The following FCER2 variants were observed in gnomAD, a reference collection of about 807,000 sequenced individuals.
FCER2 encodes the protein low affinity immunoglobulin epsilon Fc receptor.
A neutral mutation model predicts 49.7 loss-of-function variants in FCER2; 38 were observed. The observed-to-expected ratio is 0.76, with a 90% CI of 0.59 to 1.00. The LOEUF is 1.00. Ranked by LOEUF, FCER2 falls within the 50% of genes least tolerant of loss-of-function variation. The pLI is 0.00. For synonymous variants in FCER2, 163 were observed against 164.6 expected, an observed-to-expected ratio of 0.99 and a Z score of 0.07; for missense variants, 425 against 419.5, an observed-to-expected ratio of 1.01 and a Z score of -0.11.
chr19:7,699,854 G>T lies in FCER2; in HGVS notation c.-85-9C>A, dbSNP rs1364602212. 2.9e-5 allele frequency: 36 copies of T among 1,258,502 alleles called. 1 individual carries two copies. In the South Asian group the frequency reaches 3.1e-4, roughly 11 times the overall value. The allele number at this position is 1,258,502 out of a possible 1,614,324, so 78.0% of individuals were successfully genotyped here. A position where few individuals can be genotyped will look rare whatever the true frequency, so the allele number is the denominator to read the frequency against. ...CACAATCACAGCTCTGGCTGATTTG[G>T]GATTTAATGATGGTTAGGGTGAGCC... On this transcript the variant is annotated splice_polypyrimidine_tract_variant and intron_variant, in intron 1 of 10. Coordinates refer to ENST00000597921, the MANE Select transcript of FCER2 (RefSeq NM_001220500.2).
intron 8 of FCER2, among the ~76,000 whole-genome samples, chr19:7,695,835 T>C (rs993936831): frequency 1.7e-4 from 26 of 151,784 alleles, no homozygotes; most frequent in Admixed American, 1.6e-3. Flanking sequence ...GAGGATCTCT[T>C]GAGCCCAGGA....
rs1025959340 is a variant in FCER2, at chr19:7,690,248, A to G, written c.639T>C (p.His213=). ...CAATCCAGGAGCCGGTGTGGCTGGC[A>G]TGCTTGGTCAGGAAGTCCTGGGGGA... The part of the protein sequence containing the change: ...SPEEQDFLTK[H]ASHTGSWIGL... Residue 213 remains histidine, a synonymous_variant, in exon 10 of 11, where the codon CAT becomes CAC. Transcript: ENST00000597921. 2.5e-6 allele frequency: 4 copies of G among 1,613,918 alleles called. No homozygotes were observed. The Middle Eastern group carries it at 6.6e-4, about 266-fold the overall frequency.
intron 10 of FCER2, 43 bp from the exon 11 acceptor site, chr19:7,689,473 G>A (rs954323464): frequency 3.1e-6 from 4 of 1,308,530 alleles, no homozygotes; most frequent in Non-Finnish European, 4.3e-6. Flanking sequence ...GCGGGGAGAA[G>A]GAGCCCAGTT....
chr19:7,695,605 G>C (rs1369345547), intron 8 of FCER2, among the ~76,000 whole-genome samples: 1 of 148,540 alleles, frequency 6.7e-6, no homozygotes, highest in Non-Finnish European at 1.5e-5. Context: ...GCGAGATCCT[G>C]TCGCTACAAA....
chr19:7,701,089 C>T (rs996166876), intron 1 of FCER2, among the ~76,000 whole-genome samples: 1 of 152,330 alleles, frequency 6.6e-6, no homozygotes. Flanking sequence ...GGATTACAGG[C>T]GTGAGCCACT....
intron 5 of FCER2, 100 bp downstream of exon 5, chr19:7,697,427 C>T (rs771647021): frequency 4.2e-5 from 62 of 1,466,302 alleles, no homozygotes; most frequent in Non-Finnish European, 5.0e-5. Context: ...TCCCGGGTGT[C>T]GGGGGTGGGG....
At chr19:7,691,511 A>G (rs1272703057) in intron 8 of FCER2, among the ~76,000 whole-genome samples, 1 of 152,088 alleles carries the variant, frequency 6.6e-6, no homozygotes, top group East Asian at 1.9e-4. Context: ...CAACACTTCA[A>G]TCACCAACAT....
intron 1 of FCER2, among the ~76,000 whole-genome samples, chr19:7,701,329 T>C (rs960409224): frequency 5.3e-5 from 8 of 152,172 alleles, no homozygotes; most frequent in Non-Finnish European, 8.8e-5. Flanking sequence ...GAGACCATCC[T>C]GGGACTGGAA....
intron 8 of FCER2, among the ~76,000 whole-genome samples, chr19:7,694,948 C>T (rs973226821): frequency 3.3e-5 from 5 of 152,164 alleles, no homozygotes; most frequent in Admixed American, 6.5e-5. Context: ...GATCCTCCCA[C>T]CTCAGCCTCC....
At chr19:7,698,876 A>G in intron 2 of FCER2, 22 bp from the exon 3 acceptor site, 1 of 1,563,124 alleles carries the variant, frequency 6.4e-7, no homozygotes, top group Non-Finnish European at 8.6e-7. Flanking sequence ...GGAGGGACTG[A>G]CTATGGGTGC....
chr19:7,695,697 G>A lies in FCER2; in HGVS notation c.469+1128C>T, dbSNP rs561744569. On this transcript the variant is annotated intron_variant, in intron 8 of 10. Transcript: ENST00000597921. Reference sequence around the variant, plus strand: ...TTTGGGAGACTGAGGCGGAATGATCGCTGGAGTCCAGGAGTTCAAGACCAA... The same window carrying A: ...TTTGGGAGACTGAGGCGGAATGATCACTGGAGTCCAGGAGTTCAAGACCAA... Among the ~76,000 whole-genome samples, 5 of 152,232 alleles carry A rather than the reference G, an allele frequency of 3.3e-5. No homozygotes were observed. The East Asian group carries it at 7.7e-4, about 24-fold the overall frequency.
At position 7,697,015 on chromosome 19, in the gene FCER2, TG is replaced by T. The variant is rs761194466; in HGVS notation, c.376del (p.Gln126ArgfsTer3). On this transcript the variant is annotated frameshift_variant, in exon 7 of 11. Coordinates refer to ENST00000597921, the MANE Select transcript of FCER2 (RefSeq NM_001220500.2). LOFTEE classifies it high-confidence loss of function. ...LQADLSSFKSQELNERNEASD... is the reference protein window; with the variant it reads ...LQADLSSFKSXELNERNEASD... ...CCCCATCCCCTCCCAAGCCTCACCC[TG>T]GGACTTGAAGCTGCTCAGATCTGCT... 44 of 1,555,384 alleles carry T rather than the reference TG, an allele frequency of 2.8e-5. No homozygotes were observed. The highest frequency in any genetic ancestry group is 3.6e-5 in the Non-Finnish European group (41 of 1,144,956).
At chr19:7,691,660 C>A (rs1321217575) in intron 8 of FCER2, among the ~76,000 whole-genome samples, 1 of 152,102 alleles carries the variant, frequency 6.6e-6, no homozygotes, top group East Asian at 1.9e-4. Flanking sequence ...ACCACAAATA[C>A]CTCATGGCCA....
intron 3 of FCER2, 131 bp from the exon 4 acceptor site, chr19:7,698,540 G>T: frequency 2.2e-6 from 2 of 897,222 alleles, no homozygotes; most frequent in South Asian, 1.5e-5. Context: ...GTGGAGGACA[G>T]GGATGCTGGG....
At chr19:7,695,276 AC>A (rs1228770956) in intron 8 of FCER2, among the ~76,000 whole-genome samples, 5 of 151,914 alleles carry the variant, frequency 3.3e-5, no homozygotes, top group Non-Finnish European at 7.4e-5. Flanking sequence ...TGCAGACATT[AC>A]CCCCGTCTGG....
intron 8 of FCER2, among the ~76,000 whole-genome samples, chr19:7,695,688 G>A (rs146819022): frequency 5.3e-5 from 8 of 152,236 alleles, no homozygotes; most frequent in African/African-American, 1.2e-4. Flanking sequence ...AGACTGAGGC[G>A]GAATGATCGC....
rs1258346243 is a variant in FCER2, at chr19:7,697,148, C to A, written c.317-73G>T. On this transcript the variant is annotated intron_variant, in intron 6 of 10. Transcript: ENST00000597921. ...GGCCGAGGGTGCCCCCCAAGCCTGG[C>A]CCCCCAGCCTCGTGGTTCCCCAGGG... 5.0e-6 allele frequency: 8 copies of A among 1,601,158 alleles called. No individual in the cohort carries two copies. In the East Asian group the frequency reaches 1.3e-4, roughly 27 times the overall value.
At position 7,689,363 on chromosome 19, in the gene FCER2, C is replaced by T. The variant is rs201361607; in HGVS notation, c.796G>A (p.Gly266Ser). 2.5e-6 allele frequency: 4 copies of T among 1,609,868 alleles called. No homozygotes were observed. The highest frequency in any genetic ancestry group is 1.3e-5 in the African/African-American group (1 of 74,856). Residue 266 changes from glycine (G) to serine (S), a missense_variant, in exon 11 of 11, where the codon GGT becomes AGT. Coordinates refer to ENST00000597921, the MANE Select transcript of FCER2 (RefSeq NM_001220500.2). ...TCGCAGAAGGCGTCGTTCCAGCGAC[C>T]GGAGCCCCGCATCATCACGCAGTCC... ...GEDCVMMRGS[G>S]RWNDAFCDRK...
intron 1 of FCER2, 56 bp downstream of exon 1, chr19:7,701,959 A>C (rs1365165978): frequency 7.0e-6 from 1 of 142,604 alleles, no homozygotes; most frequent in Non-Finnish European, 1.5e-5. Context: ...CGTTTCTTCC[A>C]AGGGCGCTTT....
Sources: gnomAD v4.1 joint callset for allele counts (sites outside exome capture counted in the v4.1 genomes callset) on GRCh38, gnomAD v4.1.1 for gene constraint, MANE v1.5 for transcripts, NCBI Gene and HGNC (gene_info 2026-07-23, HGNC 2026-07-21) for gene names.